Variants in COL4A4 observed in about 807,000 individuals in gnomAD.
COL4A4 encodes collagen type IV alpha 4 chain.
A neutral mutation model predicts 192.9 loss-of-function variants in COL4A4; 105 were observed. The observed-to-expected ratio is 0.54, with a 90% CI of 0.46 to 0.64. COL4A4 has a LOEUF of 0.64. Ranked by LOEUF, COL4A4 falls within the 30% of genes least tolerant of loss-of-function variation. The pLI is 0.00. For synonymous variants in COL4A4, 762 were observed against 769.9 expected (o/e 0.99, Z 0.17); for missense variants, 1,967 against 2,169.3 (o/e 0.91, Z 1.85).
At chr2:227,113,499 A>C (rs949295845) in intron 8 of COL4A4, among the ~76,000 whole-genome samples, 15 of 152,232 alleles carry the variant, frequency 9.9e-5, no homozygotes, top group Non-Finnish European at 1.5e-5. Flanking sequence ...AACAGTCTTA[A>C]CAACACTAAG....
intron 37 of COL4A4, among the ~76,000 whole-genome samples, chr2:227,037,297 C>T (rs999266133): frequency 2.6e-5 from 4 of 152,150 alleles, no homozygotes; most frequent in African/African-American, 9.7e-5. Flanking sequence ...CATGTGTTCT[C>T]ATTGTTTAGC....
intron 37 of COL4A4, among the ~76,000 whole-genome samples, chr2:227,034,640 T>C (rs1969200607): frequency 1.3e-5 from 2 of 151,212 alleles, no homozygotes; most frequent in South Asian, 4.2e-4. Flanking sequence ...TATGTATACA[T>C]GTGCCATGCT....
chr2:227,088,876 C>T (rs2059744358), intron 21 of COL4A4, 60 bp from the exon 22 acceptor site: 3 of 1,574,990 alleles, frequency 1.9e-6, no homozygotes, highest in Non-Finnish European at 2.6e-6. Context: ...CCAATAAGGG[C>T]TTTACTGTAC....
chr2:226,987,004 AG>A, the COL4A4 span, among the ~76,000 whole-genome samples: 1 of 152,260 alleles, frequency 6.6e-6, no homozygotes, highest in African/African-American at 2.4e-5. Flanking sequence ...GCCATAAAAA[AG>A]AATGAGTTCA....
At chr2:227,027,241 G>A (rs1949805) in intron 42 of COL4A4, among the ~76,000 whole-genome samples, 10 of 143,808 alleles carry the variant, frequency 7.0e-5, no homozygotes, top group Non-Finnish European at 7.5e-5. Flanking sequence ...GACAGAGCAA[G>A]ACTGTCTCAA....
chr2:227,076,755 A>G (rs1348672733), intron 25 of COL4A4, among the ~76,000 whole-genome samples: 1 of 152,218 alleles, frequency 6.6e-6, no homozygotes, highest in Non-Finnish European at 1.5e-5. Context: ...CAAAAGTCTA[A>G]TATCCAGAAT....
At position 227,140,008 on chromosome 2, in the gene COL4A4, A is replaced by T. The variant is rs566896509; in HGVS notation, c.192+153T>A. On this transcript the variant is annotated intron_variant, in intron 4 of 47. Transcript: ENST00000396625. Reference sequence around the variant, plus strand: ...GCCTGGACTGTCTAATATAGTTGAGATTGCTATTAGAATGTGAAAAACTTC... The same window carrying T: ...GCCTGGACTGTCTAATATAGTTGAGTTTGCTATTAGAATGTGAAAAACTTC... Among the ~76,000 whole-genome samples the T allele has an allele frequency of 1.3e-4, 20 of 152,322 alleles. No homozygotes were observed. The South Asian group carries it at 3.9e-3, about 30-fold the overall frequency.
intron 31 of COL4A4, among the ~76,000 whole-genome samples, chr2:227,053,864 A>C (rs1396900399): frequency 1.3e-5 from 2 of 151,900 alleles, no homozygotes; most frequent in Admixed American, 6.6e-5. Context: ...TTTTTTTTCA[A>C]ATGAAGCTTG....
At chr2:227,078,163 CA>C in intron 24 of COL4A4, 86 bp from the exon 25 acceptor site, 1 of 1,356,144 alleles carries the variant, frequency 7.4e-7, no homozygotes, top group South Asian at 1.2e-5. Context: ...GAAACACACG[CA>C]AAAGTCCATA....
chr2:227,085,046 G>A (rs755595058), intron 22 of COL4A4, among the ~76,000 whole-genome samples: 2 of 151,856 alleles, frequency 1.3e-5, no homozygotes, highest in Non-Finnish European at 2.9e-5. Context: ...CAGCAGAATC[G>A]CCTGAACCCG....
At chr2:227,044,519 C>T (rs991823345) in intron 35 of COL4A4, among the ~76,000 whole-genome samples, 7 of 152,232 alleles carry the variant, frequency 4.6e-5, no homozygotes, top group African/African-American at 1.7e-4. Context: ...TTGAATTTAA[C>T]ATCTATTAGT....
At chr2:227,113,041 C>A (rs2061307094) in intron 8 of COL4A4, among the ~76,000 whole-genome samples, 1 of 152,148 alleles carries the variant, frequency 6.6e-6, no homozygotes, top group Non-Finnish European at 1.5e-5. Flanking sequence ...AATATCCATT[C>A]AAGTCCTTGC....
chr2:227,135,249 T>A (rs79115637), intron 4 of COL4A4, among the ~76,000 whole-genome samples: 1 of 69,682 alleles, frequency 1.4e-5, no homozygotes, highest in Non-Finnish European at 4.2e-5. Flanking sequence ...ACCAGCCCCC[T>A]CTAGGACAAA....
intron 41 of COL4A4, among the ~76,000 whole-genome samples, chr2:227,028,906 C>T (rs1235902342): frequency 1.3e-5 from 2 of 152,094 alleles, no homozygotes; most frequent in Non-Finnish European, 2.9e-5. Context: ...GGGATCCTCA[C>T]GCCTTGGCCT....
intron 40 of COL4A4, among the ~76,000 whole-genome samples, chr2:227,031,208 A>G (rs925366888): frequency 2.0e-5 from 3 of 152,232 alleles, no homozygotes; most frequent in African/African-American, 7.2e-5. Context: ...TTATATTCCT[A>G]CTTAGCTTCT....
chr2:227,163,275 G>A (rs191877021), intron 1 of COL4A4, among the ~76,000 whole-genome samples: 2 of 152,110 alleles, frequency 1.3e-5, no homozygotes, highest in South Asian at 2.1e-4. Flanking sequence ...GCACCCACCG[G>A]TATTTTCATG....
chr2:227,106,715 G>A (rs1303039729), intron 12 of COL4A4, among the ~76,000 whole-genome samples: 3 of 152,224 alleles, frequency 2.0e-5, no homozygotes, highest in South Asian at 2.1e-4. Flanking sequence ...ACAGGCACAC[G>A]CCACCATGCC....
chr2:227,051,196 T>C lies in COL4A4; in HGVS notation c.2969-38A>G, dbSNP rs750664081. On this transcript the variant is annotated intron_variant, in intron 32 of 47. Coordinates refer to ENST00000396625, the MANE Select transcript of COL4A4 (RefSeq NM_000092.5). ...GAAGTGTTACAGGTCTCTGCTGAAA[T>C]TTTGAGCTAGGTAATAGTTAAGCTG... is the stretch of plus-strand genomic sequence containing the variant. 5 of 1,609,760 alleles carry C rather than the reference T, an allele frequency of 3.1e-6. No homozygotes were observed. The East Asian group carries it at 1.1e-4, about 36-fold the overall frequency.
intron 20 of COL4A4, among the ~76,000 whole-genome samples, chr2:227,091,276 A>ATAG (rs1396360221): frequency 6.6e-6 from 1 of 151,762 alleles, no homozygotes; most frequent in Non-Finnish European, 1.5e-5. Flanking sequence ...AGATATAGAT[A>ATAG]TAGATATAGA....
Sources: gnomAD v4.1 joint callset for allele counts (sites outside exome capture counted in the v4.1 genomes callset) on GRCh38, gnomAD v4.1.1 for gene constraint, MANE v1.5 for transcripts, NCBI Gene and HGNC (gene_info 2026-07-23, HGNC 2026-07-21) for gene names.